Variants in ATP8A2 observed in about 807,000 individuals in gnomAD.
ATP8A2 encodes the protein ATPase phospholipid transporting 8A2.
Under a neutral mutation model 165.6 loss-of-function variants are expected in ATP8A2, and 100 were observed. The ratio of observed to expected loss-of-function variants is 0.60; its 90% CI spans 0.51 to 0.71. The LOEUF is 0.71. Ranked by LOEUF, ATP8A2 falls within the 30% of genes least tolerant of loss-of-function variation. The pLI, the probability that ATP8A2 is intolerant of heterozygous loss-of-function variation, is 0.00. For synonymous variants in ATP8A2, 543 were observed against 548.8 expected, an observed-to-expected ratio of 0.99 and a Z score of 0.15; for missense variants, 1,227 against 1,479.5, an observed-to-expected ratio of 0.83 and a Z score of 2.80.
intron 1 of ATP8A2, among the ~76,000 whole-genome samples, chr13:25,413,501 T>G (rs1196208749): frequency 6.6e-6 from 1 of 152,098 alleles, no homozygotes; most frequent in Non-Finnish European, 1.5e-5. Context: ...AGGCTGGTCT[T>G]GAACTCCTGG....
At chr13:26,000,432 A>G (rs1956610022) in intron 35 of ATP8A2, among the ~76,000 whole-genome samples, 2 of 152,180 alleles carry the variant, frequency 1.3e-5, no homozygotes, top group Admixed American at 1.3e-4. Context: ...AGAAATGTGG[A>G]CACAAGAGTT....
Position 25,570,831 on chromosome 13 carries a change from A to G in ATP8A2, c.1538A>G (p.Glu513Gly). ...LLAVCHTVVP[E>G]KDGDNIIYQA... ...GCCGTGTGCCACACGGTTGTTCCTG[A>G]GAAGGATGGAGATAACATCATCTAC... The change falls in exon 17 of 37, where the codon GAG becomes GGG. Residue 513 changes from glutamate to glycine, a missense_variant. Coordinates refer to ENST00000381655, the MANE Select transcript of ATP8A2 (RefSeq NM_016529.6). 6.2e-7 allele frequency: 1 copy of G among 1,613,744 alleles called. No homozygotes were observed. The highest frequency in any genetic ancestry group is 8.5e-7 in the Non-Finnish European group (1 of 1,179,736).
intron 4 of ATP8A2, among the ~76,000 whole-genome samples, chr13:25,531,410 TTATATATATGATATATA>T (rs1566230381): frequency 5.1e-5 from 3 of 58,956 alleles, no homozygotes; most frequent in African/African-American, 1.7e-4. Context: ...ATATATATGA[TTATATATATGATATATA>T]TATGATTATA....
At chr13:26,017,875 G>T (rs1430163310) in intron 36 of ATP8A2, among the ~76,000 whole-genome samples, 3 of 152,198 alleles carry the variant, frequency 2.0e-5, no homozygotes, top group Non-Finnish European at 2.9e-5. Context: ...GCTCACAATG[G>T]TCTGGGAGCT....
At chr13:25,704,757 C>A (rs1202186467) in intron 25 of ATP8A2, among the ~76,000 whole-genome samples, 1 of 152,106 alleles carries the variant, frequency 6.6e-6, no homozygotes, top group Non-Finnish European at 1.5e-5. Context: ...TTATCCTTTT[C>A]AGTATTGCAT....
chr13:25,626,081 CA>C (rs1046181352), intron 24 of ATP8A2, among the ~76,000 whole-genome samples: 3 of 152,160 alleles, frequency 2.0e-5, no homozygotes, highest in Admixed American at 6.6e-5. Context: ...TCACTGAACA[CA>C]AGTGGTTTAT....
chr13:25,918,830 G>A (rs754792423), intron 33 of ATP8A2, among the ~76,000 whole-genome samples: 1 of 152,174 alleles, frequency 6.6e-6, no homozygotes, highest in Non-Finnish European at 1.5e-5. Context: ...GAGGACTGCT[G>A]TATTGGTTAC....
intron 24 of ATP8A2, among the ~76,000 whole-genome samples, chr13:25,674,658 T>C (rs2042336332): frequency 6.6e-6 from 1 of 152,160 alleles, no homozygotes; most frequent in South Asian, 2.1e-4. Flanking sequence ...CTAAATGCAA[T>C]TGAAACATTG....
chr13:25,646,547 T>C (rs2041675904), intron 24 of ATP8A2, among the ~76,000 whole-genome samples: 1 of 149,964 alleles, frequency 6.7e-6, no homozygotes, highest in Non-Finnish European at 1.5e-5. Flanking sequence ...TCCCAGCTGC[T>C]TGGGAGGCTG....
chr13:25,480,623 C>A (rs2137580033), intron 2 of ATP8A2, among the ~76,000 whole-genome samples: 1 of 151,608 alleles, frequency 6.6e-6, no homozygotes, highest in East Asian at 2.0e-4. Flanking sequence ...GCGCTCCTCA[C>A]TTCCTAGATG....
At chr13:25,940,485 C>G (rs1955040705) in intron 33 of ATP8A2, among the ~76,000 whole-genome samples, 3 of 152,152 alleles carry the variant, frequency 2.0e-5, no homozygotes, top group Admixed American at 2.0e-4. Flanking sequence ...CTGGGCAGGC[C>G]CCACCGGCCT....
In ATP8A2 at chr13:26,025,141, A is replaced by T. The variant is rs565897497; in HGVS notation, c.*5156A>T. The T allele has an allele frequency of 6.4e-4, 96 of 149,930 alleles. No homozygotes were observed. Among genetic ancestry groups the T allele is most frequent in the African/African-American group, 2.3e-3 (93 of 40,442 alleles). The allele number at this position is 149,930 out of a possible 1,614,324, so 9.3% of individuals were successfully genotyped here. A position where few individuals can be genotyped will look rare whatever the true frequency, so the allele number is the denominator to read the frequency against. ...CAAAAAAAAAAAAAAAAAAAAAGGA[A>T]GAAAAGAAAAAAAGGAAACCAGCCC... On this transcript the variant is annotated 3_prime_UTR_variant, in exon 37 of 37. Coordinates refer to ENST00000381655, the MANE Select transcript of ATP8A2 (RefSeq NM_016529.6).
chr13:25,635,267 A>C (rs1366265480), intron 24 of ATP8A2, among the ~76,000 whole-genome samples: 1 of 152,144 alleles, frequency 6.6e-6, no homozygotes, highest in African/African-American at 2.4e-5. Context: ...AAGATTGGGG[A>C]AGGTTAAACT....
chr13:25,825,472 T>G (rs1255565005), intron 27 of ATP8A2, among the ~76,000 whole-genome samples: 1 of 152,116 alleles, frequency 6.6e-6, no homozygotes, highest in African/African-American at 2.4e-5. Context: ...TTTCTATTTT[T>G]ATTTGTTTTT....
At chr13:25,630,470 A>T (rs2041214816) in intron 24 of ATP8A2, among the ~76,000 whole-genome samples, 3 of 152,162 alleles carry the variant, frequency 2.0e-5, no homozygotes, top group African/African-American at 7.2e-5. Context: ...TTTCCCTGCC[A>T]GTGTGCCCCA....
chr13:25,731,493 T>C (rs759553586), intron 25 of ATP8A2, among the ~76,000 whole-genome samples: 14 of 151,716 alleles, frequency 9.2e-5, no homozygotes, highest in Non-Finnish European at 2.1e-4. Flanking sequence ...TGCTATTTTT[T>C]CAATTCTCTT....
At chr13:25,820,889 G>A (rs1187866280) in intron 27 of ATP8A2, among the ~76,000 whole-genome samples, 1 of 151,800 alleles carries the variant, frequency 6.6e-6, no homozygotes, top group Non-Finnish European at 1.5e-5. Context: ...ACCAGCTCAT[G>A]GATTTTAAAA....
At chr13:25,640,523 C>T (rs562731842) in intron 24 of ATP8A2, among the ~76,000 whole-genome samples, 3 of 151,874 alleles carry the variant, frequency 2.0e-5, no homozygotes, top group East Asian at 1.9e-4. Context: ...ATAAATTCCT[C>T]GACACATACA....
intron 30 of ATP8A2, among the ~76,000 whole-genome samples, chr13:25,853,468 C>T (rs1952070333): frequency 1.4e-5 from 2 of 144,956 alleles, no homozygotes; most frequent in South Asian, 4.4e-4. Context: ...GTGTGTATAT[C>T]CATAAAATAT....
Sources: gnomAD v4.1 joint callset for allele counts (sites outside exome capture counted in the v4.1 genomes callset) on GRCh38, gnomAD v4.1.1 for gene constraint, MANE v1.5 for transcripts, NCBI Gene and HGNC (gene_info 2026-07-23, HGNC 2026-07-21) for gene names.